NUP153: variants seen among roughly 807,000 people sequenced by gnomAD.
NUP153 encodes nuclear pore complex protein Nup153.
Under a neutral mutation model 134.6 loss-of-function variants are expected in NUP153, and 27 were observed. The ratio of observed to expected loss-of-function variants is 0.20; its 90% CI spans 0.15 to 0.28. The LOEUF (loss-of-function observed/expected upper bound fraction) is 0.28. Among genes scored for constraint, NUP153 ranks in the 10% least tolerant of loss-of-function variants. The probability of loss-of-function intolerance (pLI) is 1.00; values close to 1 mark genes in which losing one functional copy is unlikely to be tolerated. For synonymous variants in NUP153, 640 were observed against 623.5 expected, an observed-to-expected ratio of 1.03 and a Z score of -0.40; for missense variants, 1,821 against 1,731.3, an observed-to-expected ratio of 1.05 and a Z score of -0.92.
Position 17,647,861 on chromosome 6 carries a change from T to C in NUP153, c.1578A>G (p.Lys526=). 1.2e-6 allele frequency: 2 copies of C among 1,613,704 alleles called. No homozygotes were observed. The highest frequency in any genetic ancestry group is 1.3e-5 in the African/African-American group (1 of 75,032). The change falls in exon 13 of 22, where the codon AAA becomes AAG. Residue 526 remains lysine (K), a synonymous_variant. Transcript: ENST00000262077. ...SPSSTGSPMF[K]FSSPIVKSTE... is the part of the protein sequence containing the mutation. ...TAGATTTTACGATTGGAGATGAAAA[T>C]TTAAACATGGGACTGCCAGTGCTGC...
At chr6:17,616,286 G>GC (rs1247966828) in intron 21 of NUP153, 105 bp from the exon 22 acceptor site, 1 of 529,230 alleles carries the variant, frequency 1.9e-6, no homozygotes, top group East Asian at 4.1e-5. Flanking sequence ...GTCGGGTGGG[G>GC]GGGGAGTAGA....
intron 2 of NUP153, among the ~76,000 whole-genome samples, chr6:17,688,187 C>T (rs1480750409): frequency 1.3e-5 from 2 of 152,084 alleles, no homozygotes; most frequent in Non-Finnish European, 2.9e-5. Context: ...AACATCAGAG[C>T]TTGCAGTCTT....
intron 11 of NUP153, among the ~76,000 whole-genome samples, chr6:17,652,657 A>T (rs1198081156): frequency 6.6e-6 from 1 of 152,222 alleles, no homozygotes; most frequent in East Asian, 1.9e-4. Flanking sequence ...ACTGGGAAAA[A>T]AATATTTGTT....
rs1473549780 is a variant in NUP153, at chr6:17,688,512, C to T, written c.218G>A (p.Ser73Asn). 1 of 1,614,018 alleles carries T rather than the reference C, an allele frequency of 6.2e-7. No individual in the cohort carries two copies. Among genetic ancestry groups the T allele is most frequent in the African/African-American group, 1.3e-5 (1 of 74,932 alleles). ...ATTTTCTGGCCAGCGTGGAACCTCG[C>T]TTGTGTCTGTTGAACAGCTGCATAC... ...EDVCSCSTDT[S>N]EVPRWPENKE... The change falls in exon 2 of 22, where the codon AGC becomes AAC. Residue 73 changes from serine (S) to asparagine (N), a missense_variant. Physicochemically the swap from Ser to Asn is conservative, Grantham distance 46 (BLOSUM62 1). Transcript: ENST00000262077.
At chr6:17,646,267 G>T (rs1766172783) in intron 13 of NUP153, 113 bp from the exon 14 acceptor site, 9 of 504,928 alleles carry the variant, frequency 1.8e-5, no homozygotes, top group Admixed American at 3.6e-5. Flanking sequence ...GAGTGCAGTG[G>T]CGCAATCCTG....
intron 17 of NUP153, 43 bp from the exon 18 acceptor site, chr6:17,629,582 G>C: frequency 1.3e-6 from 2 of 1,509,116 alleles, no homozygotes; most frequent in Non-Finnish European, 1.8e-6. Context: ...TCAATGTACT[G>C]ATCCTCTCAA....
intron 16 of NUP153, among the ~76,000 whole-genome samples, chr6:17,634,033 C>A (rs1340780263): frequency 6.6e-6 from 1 of 152,054 alleles, no homozygotes; most frequent in Non-Finnish European, 1.5e-5. Flanking sequence ...GCTGGATACT[C>A]CTCCTCCTCT....
At chr6:17,631,706 C>T (rs560713702) in intron 17 of NUP153, among the ~76,000 whole-genome samples, 46 of 152,096 alleles carry the variant, frequency 3.0e-4, no homozygotes, top group African/African-American at 1.1e-3. Context: ...TTGGCTCACG[C>T]CTGTAATCCC....
In NUP153 at chr6:17,621,792, A is replaced by C. The variant is rs1472392711; in HGVS notation, c.4174+2769T>G. ...AGTATTTGAGAGCACAGTAGAGTTA[A>C]CAATAATTTATTGTACATTTCAAAA... On this transcript the variant is annotated intron_variant, in intron 20 of 21. Coordinates refer to ENST00000262077, the MANE Select transcript of NUP153 (RefSeq NM_005124.4). Among the ~76,000 whole-genome samples, 3 of 152,314 alleles carry C rather than the reference A, an allele frequency of 2.0e-5. No individual in the cohort carries two copies. The South Asian group carries it at 6.2e-4, about 32-fold the overall frequency.
chr6:17,678,352 CAAAAAAAAAAAAAAAA>C lies in NUP153; in HGVS notation c.335-2598_335-2583del, dbSNP rs11428582. Among the ~76,000 whole-genome samples, 2 of 68,238 alleles carry C rather than the reference CAAAAAAAAAAAAAAAA, an allele frequency of 2.9e-5. 1 individual carries two copies. Among genetic ancestry groups the C allele is most frequent in the African/African-American group, 1.3e-4 (2 of 15,700 alleles). The allele number at this position is 68,238 out of a possible 152,430, so 44.8% of individuals were successfully genotyped here. A position where few individuals can be genotyped will look rare whatever the true frequency, so the allele number is the denominator to read the frequency against. ...GCCTGGTTGACAGAACCCTCTGTCT[CAAAAAAAAAAAAAAAA>C]AAAAAAAGATTCTGGCCTTTGGTTT... is the stretch of plus-strand genomic sequence containing the variant. On this transcript the variant is annotated intron_variant, in intron 2 of 21. Coordinates refer to ENST00000262077, the MANE Select transcript of NUP153 (RefSeq NM_005124.4).
intron 5 of NUP153, among the ~76,000 whole-genome samples, chr6:17,670,772 AC>A (rs1767860520): frequency 6.6e-6 from 1 of 151,764 alleles, no homozygotes; most frequent in Non-Finnish European, 1.5e-5. Context: ...TTCATATAGT[AC>A]TCTTTAGATT....
intron 11 of NUP153, among the ~76,000 whole-genome samples, chr6:17,660,693 T>G (rs892644090): frequency 6.6e-6 from 1 of 152,136 alleles, no homozygotes; most frequent in Admixed American, 6.5e-5. Context: ...CCCCAAGATC[T>G]ATCTATTGTC....
chr6:17,624,560 CTAGAAT>C lies in NUP153; in HGVS notation c.4169_4174del (p.Asn1390_Ser1391del), dbSNP rs746323553. 48 of 1,613,808 alleles carry C rather than the reference CTAGAAT, an allele frequency of 3.0e-5. No individual in the cohort carries two copies. The African/African-American group carries it at 5.9e-4, about 20-fold the overall frequency. On this transcript the variant is annotated inframe_deletion and splice_region_variant, in exon 20 of 22. Coordinates refer to ENST00000262077, the MANE Select transcript of NUP153 (RefSeq NM_005124.4). ...TACTAACAGCATCACAGCACACTTA[CTAGAAT>C]TAGGAGTTGTTCCAGAGCCAAATGC...
rs751659735 is a variant in NUP153, at chr6:17,637,807, A to T, written c.1847-37T>A. On this transcript the variant is annotated intron_variant, in intron 15 of 21. Transcript: ENST00000262077. ...GAAGGAGAGAGTGCAACGTTAGAGA[A>T]GCTTTATAAATCAAAGCATTAATTT... 38 of 1,544,244 alleles carry T rather than the reference A, an allele frequency of 2.5e-5. No homozygotes were observed. In the Middle Eastern group the frequency reaches 1.4e-3, roughly 56 times the overall value.
intron 11 of NUP153, among the ~76,000 whole-genome samples, chr6:17,657,214 A>G (rs1766871488): frequency 1.3e-5 from 2 of 151,866 alleles, no homozygotes; most frequent in Admixed American, 6.6e-5. Context: ...ATTAATATTA[A>G]TAATATTTTG....
At chr6:17,629,755 TTTTCA>T (rs759264273) in intron 17 of NUP153, among the ~76,000 whole-genome samples, 18 of 152,228 alleles carry the variant, frequency 1.2e-4, no homozygotes, top group Non-Finnish European at 2.4e-4. Flanking sequence ...GACAAGCCAC[TTTTCA>T]TTTATCAGAC....
At chr6:17,671,294 T>G (rs1767894301) in intron 5 of NUP153, among the ~76,000 whole-genome samples, 1 of 152,196 alleles carries the variant, frequency 6.6e-6, no homozygotes, top group African/African-American at 2.4e-5. Context: ...GATTTTGGTC[T>G]CGGGGTAATA....
At chr6:17,702,963 G>A (rs1236780950) in intron 1 of NUP153, among the ~76,000 whole-genome samples, 2 of 152,114 alleles carry the variant, frequency 1.3e-5, no homozygotes, top group African/African-American at 4.8e-5. Flanking sequence ...ACTTTTGGGA[G>A]GCTGTGGCGG....
chr6:17,671,460 A>C (rs113797231), intron 5 of NUP153, among the ~76,000 whole-genome samples: 2,214 of 152,306 alleles, frequency 0.015, 66 homozygotes, highest in African/African-American at 0.051. Flanking sequence ...AACGTATTTT[A>C]AATTATGAAC....
Sources: allele counts gnomAD v4.1 joint callset (sites outside exome capture counted in the v4.1 genomes callset), GRCh38; gene constraint gnomAD v4.1.1; transcripts MANE v1.5; gene names NCBI Gene and HGNC (gene_info 2026-07-23, HGNC 2026-07-21).